DPY19L2: variants seen among roughly 807,000 people sequenced by gnomAD.
DPY19L2 encodes the protein probable C-mannosyltransferase DPY19L2.
Under a neutral mutation model 97.9 loss-of-function variants are expected in DPY19L2, and 34 were observed. The ratio of observed to expected loss-of-function variants is 0.35; its 90% CI spans 0.26 to 0.46. The LOEUF (loss-of-function observed/expected upper bound fraction) is 0.46, where lower values mean the gene tolerates loss of function less well. DPY19L2 is among the 20% of genes least tolerant of loss of function. DPY19L2 has a pLI of 1.00. For missense variants in DPY19L2, 623 were observed against 911.4 expected, an observed-to-expected ratio of 0.68 and a Z score of 4.07; for synonymous variants, 230 against 307.9, an observed-to-expected ratio of 0.75 and a Z score of 2.65.
At chr12:63,614,836 C>T (rs544483186) in intron 11 of DPY19L2, among the ~76,000 whole-genome samples, 72 of 152,258 alleles carry the variant, frequency 4.7e-4, no homozygotes, top group Non-Finnish European at 7.9e-4. Context: ...TTTCCTAGCT[C>T]TGCCCACTAA....
At chr12:63,612,050 T>A (rs1332842478) in intron 11 of DPY19L2, among the ~76,000 whole-genome samples, 1 of 151,934 alleles carries the variant, frequency 6.6e-6, no homozygotes, top group East Asian at 1.9e-4. Flanking sequence ...AAGTAACATA[T>A]TATTTACAGA....
chr12:63,601,443 A>G (rs1338855496), intron 12 of DPY19L2, among the ~76,000 whole-genome samples: 3 of 152,148 alleles, frequency 2.0e-5, no homozygotes, highest in Non-Finnish European at 2.9e-5. Context: ...AAATCTCTGC[A>G]TATATCAACC....
At position 63,591,173 on chromosome 12, in the gene DPY19L2, C is replaced by T. The variant is rs969570564; in HGVS notation, c.1580+2914G>A. 11 of 449,704 alleles carry T rather than the reference C, an allele frequency of 2.4e-5. 1 individual carries two copies. The highest frequency in any genetic ancestry group is 3.6e-5 in the Non-Finnish European group (8 of 222,098). 27.9% of individuals were successfully genotyped at this position (449,704 alleles called of 1,614,324 possible). A position where few individuals can be genotyped will look rare whatever the true frequency, so the allele number is the denominator to read the frequency against. Reference sequence around the variant, plus strand: ...TCTATTATCCCCTTTATTTTGGAAACAATTTCAACAGATGCACCTAAGAGC... The same window carrying T: ...TCTATTATCCCCTTTATTTTGGAAATAATTTCAACAGATGCACCTAAGAGC... On this transcript the variant is annotated intron_variant, in intron 16 of 21. Transcript: ENST00000324472.
At chr12:63,583,538 C>T (rs531029939) in intron 17 of DPY19L2, among the ~76,000 whole-genome samples, 2 of 152,198 alleles carry the variant, frequency 1.3e-5, no homozygotes, top group African/African-American at 2.4e-5. Flanking sequence ...ATTAGCTCAG[C>T]AGGCTAGAAA....
chr12:63,626,858 A>C (rs1363462275), intron 6 of DPY19L2, among the ~76,000 whole-genome samples: 1 of 152,116 alleles, frequency 6.6e-6, no homozygotes, highest in Admixed American at 6.6e-5. Flanking sequence ...AGCTTACAGC[A>C]ACCTCCGCCT....
rs750830526 is a variant in DPY19L2 at position 63,592,136 on chromosome 12, C to CAG, written c.1580+1949_1580+1950dup. Among the ~76,000 whole-genome samples, 307 of 135,422 alleles carry CAG rather than the reference C, an allele frequency of 2.3e-3. 2 individuals are homozygous for CAG. Among genetic ancestry groups the CAG allele is most frequent in the Admixed American group, 9.8e-3 (128 of 13,030 alleles). The allele number at this position is 135,422 out of a possible 152,430, so 88.8% of individuals were successfully genotyped here. A position where few individuals can be genotyped will look rare whatever the true frequency, so the allele number is the denominator to read the frequency against. The stretch of plus-strand genomic sequence containing the variant: ...AGAGAAGAGGAAAGACAAGACAAGA[C>CAG]AGAGAGAGAGAGAGAAGGAAGGAAG... On this transcript the variant is annotated intron_variant, in intron 16 of 21. Transcript: ENST00000324472.
intron 14 of DPY19L2, among the ~76,000 whole-genome samples, chr12:63,596,585 T>C (rs1237248025): frequency 6.6e-6 from 1 of 152,198 alleles, no homozygotes; most frequent in Non-Finnish European, 1.5e-5. Flanking sequence ...CATTTTCCTA[T>C]TTGTCGTGCT....
chr12:63,581,817 T>C (rs1190539854), intron 18 of DPY19L2, among the ~76,000 whole-genome samples: 18 of 146,980 alleles, frequency 1.2e-4, no homozygotes, highest in Non-Finnish European at 2.6e-4. Flanking sequence ...TTTTCTTTTT[T>C]TGAGACAGAG....
At chr12:63,598,134 G>C (rs900780969) in intron 13 of DPY19L2, among the ~76,000 whole-genome samples, 5 of 151,724 alleles carry the variant, frequency 3.3e-5, no homozygotes, top group Non-Finnish European at 7.4e-5. Flanking sequence ...AAAATGAAAA[G>C]TAGAAAGAAG....
intron 8 of DPY19L2, among the ~76,000 whole-genome samples, chr12:63,621,729 T>G (rs1294082047): frequency 6.6e-6 from 1 of 152,174 alleles, no homozygotes; most frequent in Non-Finnish European, 1.5e-5. Context: ...CCACAACTTT[T>G]GTGCTTCAAA....
rs746415643 is a variant in DPY19L2, at chr12:63,636,965, A to C, written c.803+7438T>G. Among the ~76,000 whole-genome samples, 5 of 152,272 alleles carry C rather than the reference A, an allele frequency of 3.3e-5. No individual in the cohort carries two copies. In the East Asian group the frequency reaches 9.6e-4, roughly 29 times the overall value. On this transcript the variant is annotated intron_variant, in intron 6 of 21. Coordinates refer to ENST00000324472, the MANE Select transcript of DPY19L2 (RefSeq NM_173812.5). ...AGACATCTACAGAACTCTCCACCCA[A>C]TATCAACAAAATATACATTCTTCTC... is the stretch of plus-strand genomic sequence containing the variant.
intron 6 of DPY19L2, among the ~76,000 whole-genome samples, chr12:63,639,628 C>T (rs992269034): frequency 6.6e-6 from 1 of 152,052 alleles, no homozygotes; most frequent in African/African-American, 2.4e-5. Flanking sequence ...CATCAGAGAA[C>T]TGCAAATCAA....
intron 12 of DPY19L2, among the ~76,000 whole-genome samples, chr12:63,607,206 G>A (rs1886188708): frequency 6.6e-6 from 1 of 151,966 alleles, no homozygotes; most frequent in East Asian, 1.9e-4. Context: ...TTTCCTTTGA[G>A]TGCAGCCTTG....
chr12:63,574,789 T>C (rs1161298780), intron 19 of DPY19L2, among the ~76,000 whole-genome samples: 1 of 151,254 alleles, frequency 6.6e-6, no homozygotes, highest in Non-Finnish European at 1.5e-5. Flanking sequence ...CACCCAATAC[T>C]GGAGCACCCG....
At chr12:63,628,042 T>C (rs1198239278) in intron 6 of DPY19L2, among the ~76,000 whole-genome samples, 3 of 152,086 alleles carry the variant, frequency 2.0e-5, no homozygotes, top group Non-Finnish European at 4.4e-5. Flanking sequence ...ATGGAGGAAC[T>C]GGGGAAATGT....
intron 6 of DPY19L2, among the ~76,000 whole-genome samples, chr12:63,629,562 T>G (rs1890206604): frequency 6.6e-6 from 1 of 152,078 alleles, no homozygotes; most frequent in Admixed American, 6.5e-5. Flanking sequence ...AATATGGGAC[T>G]ATGTGAAAAG....
chr12:63,654,965 G>T (rs1894771522), intron 4 of DPY19L2, among the ~76,000 whole-genome samples: 1 of 152,044 alleles, frequency 6.6e-6, no homozygotes, highest in Non-Finnish European at 1.5e-5. Context: ...AGAAGAAATA[G>T]ACAGAAATTC....
chr12:63,581,146 C>T (rs562566420), intron 18 of DPY19L2, among the ~76,000 whole-genome samples: 1 of 152,258 alleles, frequency 6.6e-6, no homozygotes, highest in South Asian at 2.1e-4. Flanking sequence ...AGAACTAAAT[C>T]CTTGCATCCT....
intron 18 of DPY19L2, 123 bp from the exon 19 acceptor site, chr12:63,580,959 T>C (rs1880777797): frequency 3.1e-6 from 3 of 976,844 alleles, no homozygotes; most frequent in Admixed American, 6.0e-5. Flanking sequence ...CACACATGTA[T>C]ACAGAATTAT....
Sources: allele counts gnomAD v4.1 joint callset (sites outside exome capture counted in the v4.1 genomes callset), GRCh38; gene constraint gnomAD v4.1.1; transcripts MANE v1.5; gene names NCBI Gene and HGNC (gene_info 2026-07-23, HGNC 2026-07-21).